The following THAP5 variants were observed in gnomAD, a reference collection of about 807,000 sequenced individuals.
THAP5 encodes THAP domain-containing protein 5.
In THAP5, 26 loss-of-function variants were observed where a neutral mutation model predicts 34.0. That is an observed-to-expected ratio of 0.77 (90% CI 0.56 to 1.06). The LOEUF is 1.06. THAP5 is among the 50% of genes least tolerant of loss of function. The pLI is 0.00. For synonymous variants in THAP5, 125 were observed against 153.0 expected (o/e 0.82, Z 1.35); for missense variants, 394 against 452.8 (o/e 0.87, Z 1.18).
intron 1 of THAP5, among the ~76,000 whole-genome samples, chr7:108,567,263 G>A (rs1281807547): frequency 1.3e-5 from 2 of 152,152 alleles, no homozygotes; most frequent in Non-Finnish European, 2.9e-5. Flanking sequence ...TAGGTTGTAA[G>A]TATGACAAGC....
At chr7:108,558,377 G>GTGTGTA (rs1401164750), downstream of THAP5, among the ~76,000 whole-genome samples, 95 of 63,004 alleles carry the variant, frequency 1.5e-3, 2 homozygotes, top group African/African-American at 6.5e-3. Context: ...ATGTGTGTGT[G>GTGTGTA]TATGTATATA....
intron 1 of THAP5, among the ~76,000 whole-genome samples, chr7:108,555,707 T>TC (rs1220079287): frequency 6.7e-5 from 10 of 149,200 alleles, no homozygotes; most frequent in East Asian, 5.9e-4. Flanking sequence ...TTTTTCTTTT[T>TC]TTTTTTTTTT....
In THAP5 at chr7:108,565,812, T is replaced by C; in HGVS notation, c.273+18A>G. 1.3e-6 allele frequency: 2 copies of C among 1,523,926 alleles called. No homozygotes were observed. The highest frequency in any genetic ancestry group is 2.5e-5 in the South Asian group (2 of 78,944). 94.4% of individuals were successfully genotyped at this position (1,523,926 alleles called of 1,614,324 possible). ...CTGCCACTCTGCTCAGCATTACCCCTCTCCCATACTGCAATACCTGATTGT... is the reference window on the plus strand; with the variant it reads ...CTGCCACTCTGCTCAGCATTACCCCCCTCCCATACTGCAATACCTGATTGT... On this transcript the variant is annotated intron_variant, in intron 2 of 2. Coordinates refer to ENST00000415914, the MANE Select transcript of THAP5 (RefSeq NM_001130475.3).
At chr7:108,549,911 G>A (rs149626233), downstream of THAP5, among the ~76,000 whole-genome samples, 55 of 152,156 alleles carry the variant, frequency 3.6e-4, no homozygotes, top group African/African-American at 1.2e-3. Context: ...CTCTAGTAAC[G>A]TTGTATTGGG....
chr7:108,558,856 T>C (rs1450374207), downstream of THAP5, among the ~76,000 whole-genome samples: 4 of 152,204 alleles, frequency 2.6e-5, no homozygotes, highest in African/African-American at 4.8e-5. Context: ...ATATAACATG[T>C]TATTAAAAAG....
chr7:108,548,630 C>T, the THAP5 span, among the ~76,000 whole-genome samples: 1 of 152,132 alleles, frequency 6.6e-6, no homozygotes, highest in Non-Finnish European at 1.5e-5. Flanking sequence ...GCTGGGGAGG[C>T]CTCACAATCA....
At chr7:108,551,722 T>G (rs1285010887), downstream of THAP5, among the ~76,000 whole-genome samples, 3 of 152,202 alleles carry the variant, frequency 2.0e-5, no homozygotes, top group Non-Finnish European at 4.4e-5. Context: ...ACTTTTGCTG[T>G]TCATTAGAAT....
chr7:108,569,286 G>A (rs1226953163), intron 1 of THAP5: 5 of 1,431,388 alleles, frequency 3.5e-6, no homozygotes, highest in Non-Finnish European at 4.6e-6. Flanking sequence ...CCTGGGCCTC[G>A]CCACCAGCCA....
intron 2 of THAP5, chr7:108,565,625 T>C (rs976792218): frequency 4.8e-6 from 2 of 416,622 alleles, no homozygotes; most frequent in Admixed American, 8.1e-5. Context: ...CTTAATAATG[T>C]ATATCTCTTG....
At chr7:108,545,745 TG>T in the THAP5 span, among the ~76,000 whole-genome samples, 3 of 152,224 alleles carry the variant, frequency 2.0e-5, no homozygotes, top group Non-Finnish European at 4.4e-5. Flanking sequence ...TTGATTTATT[TG>T]TTAATCATTC....
chr7:108,566,001 T>G lies in THAP5; in HGVS notation c.102A>C (p.Glu34Asp). The G allele has an allele frequency of 2.6e-6, 4 of 1,528,924 alleles. No individual in the cohort carries two copies. Among genetic ancestry groups the G allele is most frequent in the East Asian group, 2.5e-5 (1 of 40,654 alleles). The allele number at this position is 1,528,924 out of a possible 1,614,324, so 94.7% of individuals were successfully genotyped here. ...TATTCTTTAACCACTTTTCCAGTCT[T>G]TCTTTGTCATGTAGAGGAAATCTGG... ...SFYPFPLHDK[E>D]RLEKWLKNMK... The change falls in exon 2 of 3, where the codon GAA (glutamate) becomes GAC (aspartate). Residue 34 changes from glutamate (E) to aspartate (D), a missense_variant. Physicochemically the swap from Glu to Asp is conservative, Grantham distance 45. Coordinates refer to ENST00000415914, the MANE Select transcript of THAP5 (RefSeq NM_001130475.3).
chr7:108,550,186 A>ATTTTC (rs1373893276), downstream of THAP5, among the ~76,000 whole-genome samples: 1 of 152,128 alleles, frequency 6.6e-6, no homozygotes, highest in Non-Finnish European at 1.5e-5. Context: ...TTCCTTCAGA[A>ATTTTC]TTTTCAGATT....
At chr7:108,565,688 G>A in intron 2 of THAP5, 142 bp downstream of exon 2, 2 of 589,608 alleles carry the variant, frequency 3.4e-6, no homozygotes, top group Non-Finnish European at 5.3e-6. Flanking sequence ...ATCACTTTTA[G>A]TAAAAGCACA....
chr7:108,563,833 A>T lies in THAP5; in HGVS notation c.*358T>A, dbSNP rs769113973. The T allele has an allele frequency of 8.5e-5, 14 of 165,118 alleles. No individual in the cohort carries two copies. Among genetic ancestry groups the T allele is most frequent in the Non-Finnish European group, 1.8e-4 (14 of 76,690 alleles). The allele number at this position is 165,118 out of a possible 1,614,324, so 10.2% of individuals were successfully genotyped here. A position where few individuals can be genotyped will look rare whatever the true frequency, so the allele number is the denominator to read the frequency against. On this transcript the variant is annotated 3_prime_UTR_variant, in exon 3 of 3. Coordinates refer to ENST00000415914, the MANE Select transcript of THAP5 (RefSeq NM_001130475.3). ...ACAAATTAGGGACTGAGGCACAATC[A>T]TAAGTAACTTGCCCAAGTCATATGC...
rs1279870211 is a variant in THAP5 at position 108,565,873 on chromosome 7, T to C, written c.230A>G (p.Gln77Arg). The change falls in exon 2 of 3, where the codon CAA (glutamine) becomes CGA (arginine). Residue 77 changes from glutamine (Q) to arginine (R), a missense_variant. By Grantham distance (43) the Gln-to-Arg change is conservative (BLOSUM62 1). Transcript: ENST00000415914. ...DIRWGIRYLK[Q>R]TAVPTIFSLP... ...AGAAAATATTGTTGGAACTGCAGTTTGTTTTAAATATCGAATACCCCATCT... is the reference window on the plus strand; with the variant it reads ...AGAAAATATTGTTGGAACTGCAGTTCGTTTTAAATATCGAATACCCCATCT... 6.5e-7 allele frequency: 1 copy of C among 1,548,098 alleles called. No homozygotes were observed. The highest frequency in any genetic ancestry group is 1.2e-5 in the South Asian group (1 of 83,524).
chr7:108,544,042 C>CA, the THAP5 span, among the ~76,000 whole-genome samples: 1 of 152,124 alleles, frequency 6.6e-6, no homozygotes, highest in Admixed American at 6.5e-5. Context: ...TATAACTTAC[C>CA]AAAACTAACA....
the THAP5 span, among the ~76,000 whole-genome samples, chr7:108,545,422 AC>A: frequency 6.6e-6 from 1 of 152,238 alleles, no homozygotes; most frequent in Non-Finnish European, 1.5e-5. Flanking sequence ...GTCTCAAGTG[AC>A]AATTTGCTGT....
chr7:108,561,636 G>A (rs571302284), downstream of THAP5, among the ~76,000 whole-genome samples: 15 of 152,138 alleles, frequency 9.9e-5, no homozygotes, highest in South Asian at 1.0e-3. Flanking sequence ...TTGGGCAAGC[G>A]GGAAGGAGAG....
At chr7:108,542,619 C>A in the THAP5 span, among the ~76,000 whole-genome samples, 2 of 152,130 alleles carry the variant, frequency 1.3e-5, no homozygotes, top group African/African-American at 4.8e-5. Context: ...TGTGCCACCA[C>A]GCCCAGCTAA....
Sources: gnomAD v4.1 joint callset for allele counts (sites outside exome capture counted in the v4.1 genomes callset) on GRCh38, gnomAD v4.1.1 for gene constraint, MANE v1.5 for transcripts, NCBI Gene and HGNC (gene_info 2026-07-23, HGNC 2026-07-21) for gene names.